The following CMTM8 variants were observed in gnomAD, a reference collection of about 807,000 sequenced individuals.
The protein encoded by CMTM8 is CKLF like MARVEL transmembrane domain containing 8.
In CMTM8, 12 loss-of-function variants were observed where a neutral mutation model predicts 18.6. The ratio of observed to expected loss-of-function variants is 0.65; its 90% CI spans 0.41 to 1.05. CMTM8 has a LOEUF of 1.05. CMTM8 is among the 50% of genes least tolerant of loss of function. CMTM8 has a pLI of 0.00. For synonymous variants in CMTM8, 87 were observed against 90.6 expected (o/e 0.96, Z 0.23); for missense variants, 217 against 227.2 (o/e 0.95, Z 0.29).
At chr3:32,353,784 ATT>A (rs10648596) in intron 1 of CMTM8, among the ~76,000 whole-genome samples, 9 of 134,034 alleles carry the variant, frequency 6.7e-5, no homozygotes, top group African/African-American at 5.5e-5. Context: ...TTCTGTGTTA[ATT>A]TTTTTTTTTT....
At chr3:32,303,797 T>C (rs1695671869) in intron 1 of CMTM8, among the ~76,000 whole-genome samples, 1 of 152,248 alleles carries the variant, frequency 6.6e-6, no homozygotes, top group Non-Finnish European at 1.5e-5. Flanking sequence ...GTTGTGGTTG[T>C]TGTTAAACCA....
At chr3:32,294,347 G>T (rs186136431) in intron 1 of CMTM8, among the ~76,000 whole-genome samples, 137 of 152,294 alleles carry the variant, frequency 9.0e-4, no homozygotes, top group Admixed American at 2.0e-3. Context: ...ATCCTGTGAG[G>T]CTTCCAGATG....
chr3:32,260,024 T>C, intron 1 of CMTM8: 2 of 1,127,014 alleles, frequency 1.8e-6, no homozygotes, highest in Non-Finnish European at 2.6e-6. Context: ...GGCCCAGGAG[T>C]ACAAGGCCCT....
intron 1 of CMTM8, among the ~76,000 whole-genome samples, chr3:32,266,887 T>G (rs79361325): frequency 1.3e-5 from 2 of 152,082 alleles, no homozygotes; most frequent in Admixed American, 6.6e-5. Context: ...GGAATCCAAC[T>G]TACAAGGGAT....
chr3:32,267,464 AGACTT>A lies in CMTM8; in HGVS notation c.147+28346_147+28350del, dbSNP rs970642964. Among the ~76,000 whole-genome samples, 69 of 152,358 alleles carry A rather than the reference AGACTT, an allele frequency of 4.5e-4. 1 individual carries two copies. Among genetic ancestry groups the A allele is most frequent in the African/African-American group, 1.6e-3 (67 of 41,590 alleles). Reference sequence around the variant, plus strand: ...CAAAAATTAATTCAAAATGGATTAAAGACTTAAATGTTAGGCCTAAAACCATAAAA... The same window carrying A: ...CAAAAATTAATTCAAAATGGATTAAAAAATGTTAGGCCTAAAACCATAAAA... On this transcript the variant is annotated intron_variant, in intron 1 of 3. Coordinates refer to ENST00000307526, the MANE Select transcript of CMTM8 (RefSeq NM_178868.5).
At chr3:32,259,635 T>G in intron 1 of CMTM8, 3 of 1,342,630 alleles carry the variant, frequency 2.2e-6, no homozygotes, top group Non-Finnish European at 3.2e-6. Context: ...AGCTCTGGGT[T>G]GACCGTGGAG....
chr3:32,266,455 C>T (rs145074680), intron 1 of CMTM8, among the ~76,000 whole-genome samples: 7,086 of 152,258 alleles, frequency 0.047, 650 homozygotes, highest in East Asian at 0.43. Context: ...GGACGTATCT[C>T]AAAATAATAA....
At chr3:32,317,362 C>T (rs1695951982) in intron 1 of CMTM8, among the ~76,000 whole-genome samples, 1 of 152,116 alleles carries the variant, frequency 6.6e-6, no homozygotes, top group South Asian at 2.1e-4. Context: ...CTCACATTTA[C>T]CTTGGTCCAT....
At chr3:32,339,442 G>T (rs1302940857) in intron 1 of CMTM8, among the ~76,000 whole-genome samples, 2 of 152,184 alleles carry the variant, frequency 1.3e-5, no homozygotes, top group African/African-American at 4.8e-5. Context: ...CCATCTTCAT[G>T]CTGTGTTTGA....
At chr3:32,289,335 C>G (rs1168943232) in intron 1 of CMTM8, among the ~76,000 whole-genome samples, 1 of 152,184 alleles carries the variant, frequency 6.6e-6, no homozygotes, top group Non-Finnish European at 1.5e-5. Flanking sequence ...TTTTGGGCCT[C>G]AAGTTTGAGA....
At chr3:32,257,928 G>A (rs1287670035) in intron 1 of CMTM8, among the ~76,000 whole-genome samples, 1 of 152,106 alleles carries the variant, frequency 6.6e-6, no homozygotes, top group Non-Finnish European at 1.5e-5. Flanking sequence ...GGGCTGGGAG[G>A]GGGAAGCTAG....
chr3:32,246,839 T>C (rs944833828), intron 1 of CMTM8, among the ~76,000 whole-genome samples: 3 of 152,186 alleles, frequency 2.0e-5, no homozygotes, highest in African/African-American at 7.2e-5. Flanking sequence ...TAGTGGCTCA[T>C]GCCTGTAATC....
chr3:32,334,689 T>C (rs1224601212), intron 1 of CMTM8, among the ~76,000 whole-genome samples: 2 of 152,170 alleles, frequency 1.3e-5, no homozygotes, highest in Admixed American at 1.3e-4. Context: ...TCGTGTTTTC[T>C]CTTAAAAATA....
intron 1 of CMTM8, among the ~76,000 whole-genome samples, chr3:32,297,439 C>G (rs946136546): frequency 1.3e-5 from 2 of 152,196 alleles, no homozygotes; most frequent in Admixed American, 1.3e-4. Context: ...CTATGCCTCC[C>G]GAAGTGTTGG....
chr3:32,354,618 G>A (rs919935433), intron 1 of CMTM8, among the ~76,000 whole-genome samples: 7 of 152,158 alleles, frequency 4.6e-5, no homozygotes, highest in African/African-American at 1.7e-4. Context: ...GACTTGTGAT[G>A]GAAACTCTTA....
intron 1 of CMTM8, among the ~76,000 whole-genome samples, chr3:32,314,941 G>A (rs1695891636): frequency 6.6e-6 from 1 of 151,392 alleles, no homozygotes; most frequent in Non-Finnish European, 1.5e-5. Context: ...GCGTTCTAGT[G>A]AACATAGGTG....
At chr3:32,326,350 G>C (rs1270580425) in intron 1 of CMTM8, among the ~76,000 whole-genome samples, 2 of 151,944 alleles carry the variant, frequency 1.3e-5, no homozygotes, top group Non-Finnish European at 2.9e-5. Flanking sequence ...AGCACTCCAG[G>C]GTGGCCCCAA....
At chr3:32,294,477 A>G (rs548232805) in intron 1 of CMTM8, among the ~76,000 whole-genome samples, 36 of 152,306 alleles carry the variant, frequency 2.4e-4, no homozygotes, top group African/African-American at 8.2e-4. Flanking sequence ...GCTGTTGCCC[A>G]GAGCCAGGTG....
rs140270969 is a variant in CMTM8, at chr3:32,361,286, G to GTTTGTTTTTTTTTTTTTTTTTTTT, written c.321+3743_321+3744insGTTTTTTTTTTTTTTTTTTTTTTT. On this transcript the variant is annotated intron_variant, in intron 2 of 3. Coordinates refer to ENST00000307526, the MANE Select transcript of CMTM8 (RefSeq NM_178868.5). ...GTGAGCCACGGCGCCCAGCCTAAGA[G>GTTTGTTTTTTTTTTTTTTTTTTTT]TTTTTTTTTCTTTCAAATTTTGGAA... 4.0e-4 allele frequency among the ~76,000 whole-genome samples: 35 copies of GTTTGTTTTTTTTTTTTTTTTTTTT among 87,236 alleles called. 2 individuals carry two copies. Among genetic ancestry groups the GTTTGTTTTTTTTTTTTTTTTTTTT allele is most frequent in the Non-Finnish European group, 4.8e-4 (20 of 41,954 alleles). The allele number at this position is 87,236 out of a possible 152,430, so 57.2% of individuals were successfully genotyped here.
Sources: gnomAD v4.1 joint callset for allele counts (sites outside exome capture counted in the v4.1 genomes callset) on GRCh38, gnomAD v4.1.1 for gene constraint, MANE v1.5 for transcripts, NCBI Gene and HGNC (gene_info 2026-07-23, HGNC 2026-07-21) for gene names.